The following STX10 variants were observed in gnomAD, a reference collection of about 807,000 sequenced individuals.
The protein encoded by STX10 is syntaxin 10.
STX10 carries 35 observed loss-of-function variants against 34.1 expected under a neutral mutation model. That is an observed-to-expected ratio of 1.03 (90% CI 0.78 to 1.36). The LOEUF (loss-of-function observed/expected upper bound fraction) is 1.36, where lower values mean the gene tolerates loss of function less well. Ranked by LOEUF, STX10 falls within the 40% of genes most tolerant of loss-of-function variation. The pLI, the probability that STX10 is intolerant of heterozygous loss-of-function variation, is 0.00. For missense variants in STX10, 361 were observed against 335.5 expected (o/e 1.08, Z -0.59); for synonymous variants, 155 against 132.9 (o/e 1.17, Z -1.15).
chr19:13,146,064 G>C (rs1330440508), intron 4 of STX10, among the ~76,000 whole-genome samples: 1 of 150,016 alleles, frequency 6.7e-6, no homozygotes, highest in Non-Finnish European at 1.5e-5. Context: ...GGGTGTGGCA[G>C]TGCATGCCTG....
Position 13,144,586 on chromosome 19 carries a change from T to C in STX10, c.664A>G (p.Met222Val), listed in dbSNP as rs146563043. The change falls in exon 7 of 8, where the codon ATG (methionine) becomes GTG (valine). Residue 222 changes from methionine (M) to valine (V), a missense_variant. Physicochemically the swap from Met to Val is conservative, Grantham distance 21. Coordinates refer to ENST00000587230, the MANE Select transcript of STX10 (RefSeq NM_003765.3). ...VLRKLAKVSH[M>V]TSDRRQWCAI... is the part of the protein sequence containing the mutation. Reference sequence around the variant, plus strand: ...CCCTGAGGGGACTCACCACTCGTCATGTGGGATACTTTGGCCAACTTCCTG... The same window carrying C: ...CCCTGAGGGGACTCACCACTCGTCACGTGGGATACTTTGGCCAACTTCCTG... The C allele has an allele frequency of 1.9e-6, 3 of 1,614,002 alleles. No homozygotes were observed. The highest frequency in any genetic ancestry group is 1.7e-5 in the Admixed American group (1 of 60,004).
In STX10 at chr19:13,149,030, T is replaced by TTC; in HGVS notation, c.361_362insGA (p.Glu121GlyfsTer39). 6.2e-7 allele frequency: 1 copy of TTC among 1,601,356 alleles called. No individual in the cohort carries two copies. Among genetic ancestry groups the TTC allele is most frequent in the Non-Finnish European group, 8.5e-7 (1 of 1,173,698 alleles). The stretch of plus-strand genomic sequence containing the variant: ...GCAGGGTGGGTCAGGAAGGCTTACC[T>TTC]CTCTGTTATTCCTCTCCAAAAATGC... On this transcript the variant is annotated frameshift_variant and splice_region_variant, in exon 4 of 8. Transcript: ENST00000587230. LOFTEE classifies it high-confidence loss of function.
rs894582830 is a variant in STX10, at chr19:13,144,072, G to A, written c.*338C>T. The A allele has an allele frequency of 2.8e-6, 1 of 361,380 alleles. No homozygotes were observed. Among genetic ancestry groups the A allele is most frequent in the African/African-American group, 2.0e-5 (1 of 49,788 alleles). The allele number at this position is 361,380 out of a possible 1,614,324, so 22.4% of individuals were successfully genotyped here. On this transcript the variant is annotated 3_prime_UTR_variant, in exon 8 of 8. Transcript: ENST00000587230. ...CACGACACAAATACGTATAAAAAAG[G>A]CTGACATTTTATTTCCAGGTTGGCA...
rs1198565168 is a variant in STX10, at chr19:13,149,109, A to G, written c.301-18T>C. The G allele has an allele frequency of 5.1e-6, 8 of 1,581,674 alleles. No individual in the cohort carries two copies. The highest frequency in any genetic ancestry group is 6.0e-6 in the Non-Finnish European group (7 of 1,163,260). On this transcript the variant is annotated intron_variant, in intron 3 of 7. Transcript: ENST00000587230. The stretch of plus-strand genomic sequence containing the variant: ...TTCATTTCCTGGAGGTAAGGACAGC[A>G]TTAGGGAGGAAAGACACTCAGGCTG...
chr19:13,149,115 G>A lies in STX10; in HGVS notation c.301-24C>T, dbSNP rs1324675700. ...TCCTGGAGGTAAGGACAGCATTAGG[G>A]AGGAAAGACACTCAGGCTGGGCGCG... On this transcript the variant is annotated intron_variant, in intron 3 of 7. Coordinates refer to ENST00000587230, the MANE Select transcript of STX10 (RefSeq NM_003765.3). 2.5e-6 allele frequency: 4 copies of A among 1,577,200 alleles called. No individual in the cohort carries two copies. In the Admixed American group the frequency reaches 5.5e-5, roughly 22 times the overall value.
Position 13,149,655 on chromosome 19 carries a change from G to A in STX10, c.206-62C>T. ...TATCATCCCCGTCCCTAGGGGTCCA[G>A]CCCTACCCGAAGGTGGGCTGCCACC... On this transcript the variant is annotated intron_variant, in intron 2 of 7. Coordinates refer to ENST00000587230, the MANE Select transcript of STX10 (RefSeq NM_003765.3). 4 of 1,609,428 alleles carry A rather than the reference G, an allele frequency of 2.5e-6. No homozygotes were observed. The South Asian group carries it at 4.4e-5, about 18-fold the overall frequency.
At chr19:13,147,684 G>C (rs1481994766) in intron 4 of STX10, among the ~76,000 whole-genome samples, 2 of 151,288 alleles carry the variant, frequency 1.3e-5, no homozygotes, top group Non-Finnish European at 2.9e-5. Flanking sequence ...GGATCACGAG[G>C]TCAAGAGTTC....
chr19:13,144,706 C>A (rs956129749), intron 6 of STX10, 35 bp from the exon 7 acceptor site: 1 of 1,613,126 alleles, frequency 6.2e-7, no homozygotes. Context: ...CCCCAGATGG[C>A]CCAGACACAC....
rs1045415351 is a variant in STX10 at position 13,150,016 on chromosome 19, G to A, written c.36-119C>T. On this transcript the variant is annotated intron_variant, in intron 1 of 7. Coordinates refer to ENST00000587230, the MANE Select transcript of STX10 (RefSeq NM_003765.3). This position sits in a 1 kb window ranked among gnomAD's most constrained non-coding sequence, Gnocchi z 4.0. Reference sequence around the variant, plus strand: ...CGGAGACCCCTATATACCCCTGCGTGCGCCTCCCACTCTGCACCCCGACGG... The same window carrying A: ...CGGAGACCCCTATATACCCCTGCGTACGCCTCCCACTCTGCACCCCGACGG... The A allele has an allele frequency of 2.2e-6, 3 of 1,378,134 alleles. No individual in the cohort carries two copies. Among genetic ancestry groups the A allele is most frequent in the East Asian group, 2.5e-5 (1 of 39,996 alleles). The allele number at this position is 1,378,134 out of a possible 1,614,324, so 85.4% of individuals were successfully genotyped here.
chr19:13,150,271 C>G lies in STX10; in HGVS notation c.-98G>C, dbSNP rs4926138. The stretch of plus-strand genomic sequence containing the variant: ...GAGAACGCGCCGCCACCCCCGCCCC[C>G]GTCACGCCACCATCGAGAGCCGGAC... On this transcript the variant is annotated 5_prime_UTR_variant, in exon 1 of 8. Transcript: ENST00000587230. This position sits in a 1 kb window ranked among gnomAD's most constrained non-coding sequence, Gnocchi z 4.0. The G allele has an allele frequency of 0.034, 22,059 of 657,330 alleles. 883 individuals are homozygous for G. The highest frequency in any genetic ancestry group is 0.13 in the African/African-American group (7,120 of 53,480). 40.7% of individuals were successfully genotyped at this position (657,330 alleles called of 1,614,324 possible). A position where few individuals can be genotyped will look rare whatever the true frequency, so the allele number is the denominator to read the frequency against.
chr19:13,150,293 G>C lies in STX10; in HGVS notation c.-120C>G. On this transcript the variant is annotated 5_prime_UTR_variant, in exon 1 of 8. Coordinates refer to ENST00000587230, the MANE Select transcript of STX10 (RefSeq NM_003765.3). This position sits in a 1 kb window ranked among gnomAD's most constrained non-coding sequence, Gnocchi z 4.0. ...CCCCGTCACGCCACCATCGAGAGCC[G>C]GACCGCCAGGGGAGAAAGAGAAGCC... The C allele has an allele frequency of 1.6e-6, 1 of 632,414 alleles. No individual in the cohort carries two copies. Among genetic ancestry groups the C allele is most frequent in the Non-Finnish European group, 2.9e-6 (1 of 346,662 alleles). The allele number at this position is 632,414 out of a possible 1,614,324, so 39.2% of individuals were successfully genotyped here. A position where few individuals can be genotyped will look rare whatever the true frequency, so the allele number is the denominator to read the frequency against.
chr19:13,147,767 G>A (rs1453133035), intron 4 of STX10, among the ~76,000 whole-genome samples: 1 of 151,608 alleles, frequency 6.6e-6, no homozygotes, highest in African/African-American at 2.4e-5. Context: ...CATGGTGGTG[G>A]GTGCCTGTAA....
chr19:13,148,568 T>C (rs2019964046), intron 4 of STX10, among the ~76,000 whole-genome samples: 1 of 146,580 alleles, frequency 6.8e-6, no homozygotes. Context: ...TAATCCCAGC[T>C]ACTTGGGAGG....
chr19:13,145,814 A>G (rs1333285010), intron 4 of STX10, among the ~76,000 whole-genome samples: 4 of 152,094 alleles, frequency 2.6e-5, no homozygotes, highest in Admixed American at 6.6e-5. Flanking sequence ...TCACGAGGTC[A>G]AGAGTTTGAG....
Position 13,149,514 on chromosome 19 carries a change from C to T in STX10, c.285G>A (p.Met95Ile), listed in dbSNP as rs2145642758. 1 of 1,614,106 alleles carries T rather than the reference C, an allele frequency of 6.2e-7. No individual in the cohort carries two copies. Among genetic ancestry groups the T allele is most frequent in the Non-Finnish European group, 8.5e-7 (1 of 1,180,008 alleles). ...CTTTCCTGACCTGGACTGCCTCTCG[C>T]ATCCGCTCCACGAACACCTTTCTCT... ...LQERKVFVERMREAVQEMKDH... is the reference protein window; with the variant it reads ...LQERKVFVERIREAVQEMKDH... Residue 95 changes from methionine to isoleucine, a missense_variant, in exon 3 of 8, where the codon ATG (methionine) becomes ATA (isoleucine). By Grantham distance (10) the Met-to-Ile change is conservative. Transcript: ENST00000587230.
At chr19:13,148,803 C>T (rs1176983909) in intron 4 of STX10, among the ~76,000 whole-genome samples, 1 of 151,918 alleles carries the variant, frequency 6.6e-6, no homozygotes, top group Non-Finnish European at 1.5e-5. Flanking sequence ...CAACAGGAAA[C>T]CAGTATAGAC....
In STX10 at chr19:13,150,113, C is replaced by G. The variant is rs748713422; in HGVS notation, c.35+26G>C. On this transcript the variant is annotated intron_variant, in intron 1 of 7. Coordinates refer to ENST00000587230, the MANE Select transcript of STX10 (RefSeq NM_003765.3). The surrounding 1 kb of genome is among the most constrained non-coding windows in gnomAD (Gnocchi z 4.0). ...GCTGGCTTGGGTACAGAGCACCCTCCGCCCTCCCCCGTCGTTGTCACTCAC... is the reference window on the plus strand; with the variant it reads ...GCTGGCTTGGGTACAGAGCACCCTCGGCCCTCCCCCGTCGTTGTCACTCAC... The G allele has an allele frequency of 8.9e-7, 1 of 1,126,786 alleles. No individual in the cohort carries two copies. The highest frequency in any genetic ancestry group is 1.3e-6 in the Non-Finnish European group (1 of 752,730). The allele number at this position is 1,126,786 out of a possible 1,614,324, so 69.8% of individuals were successfully genotyped here.
chr19:13,149,747 C>T lies in STX10; in HGVS notation c.186G>A (p.Glu62=). The T allele has an allele frequency of 1.9e-6, 3 of 1,614,038 alleles. No homozygotes were observed. The highest frequency in any genetic ancestry group is 1.7e-6 in the Non-Finnish European group (2 of 1,179,900). The change falls in exon 2 of 8, where the codon GAG becomes GAA. Residue 62 remains glutamate, a synonymous_variant. Transcript: ENST00000587230. Reference sequence around the variant, plus strand: ...GGATATCGATGGTCTCTTCCAGGTCCTCGAGGTCCCACTCGATGCTGCGCA... The same window carrying T: ...GGATATCGATGGTCTCTTCCAGGTCTTCGAGGTCCCACTCGATGCTGCGCA... ...NGLRSIEWDL[E]DLEETIGIVE...
At position 13,149,964 on chromosome 19, in the gene STX10, C is replaced by T; in HGVS notation, c.36-67G>A. ...TCCTCCCGCCTGCCTCTGCCCCCGA[C>T]TGCAAACCCAAACGCATGGGGGACT... On this transcript the variant is annotated intron_variant, in intron 1 of 7. Transcript: ENST00000587230. The T allele has an allele frequency of 2.0e-6, 3 of 1,518,150 alleles. No homozygotes were observed. In the South Asian group the frequency reaches 3.7e-5, roughly 19 times the overall value. The allele number at this position is 1,518,150 out of a possible 1,614,324, so 94.0% of individuals were successfully genotyped here. A position where few individuals can be genotyped will look rare whatever the true frequency, so the allele number is the denominator to read the frequency against.
Sources: allele counts gnomAD v4.1 joint callset (sites outside exome capture counted in the v4.1 genomes callset), GRCh38; gene constraint gnomAD v4.1.1; non-coding constraint Gnocchi (gnomAD v3.1); transcripts MANE v1.5; gene names NCBI Gene and HGNC (gene_info 2026-07-23, HGNC 2026-07-21).